The following AK9 variants were observed in gnomAD, a reference collection of about 807,000 sequenced individuals.
The protein encoded by AK9 is adenylate kinase domain containing 1.
Under a neutral mutation model 239.6 loss-of-function variants are expected in AK9, and 191 were observed. The ratio of observed to expected loss-of-function variants is 0.80; its 90% CI spans 0.71 to 0.90. AK9 has a LOEUF of 0.90. Among genes scored for constraint, AK9 ranks in the 40% least tolerant of loss-of-function variants. The pLI is 0.00. For missense variants in AK9, 1,995 were observed against 2,214.7 expected, an observed-to-expected ratio of 0.90 and a Z score of 1.99; for synonymous variants, 689 against 721.0, an observed-to-expected ratio of 0.96 and a Z score of 0.71.
At chr6:109,598,331 T>A (rs12208018) in intron 17 of AK9, among the ~76,000 whole-genome samples, 52,480 of 151,630 alleles carry the variant, frequency 0.35, 9,532 homozygotes, top group South Asian at 0.44. Flanking sequence ...GTGTTTGGTT[T>A]TTTGTCCTTG....
chr6:109,573,261 GCCTCTGCTTTCCTAC>G (rs11267598), intron 21 of AK9, among the ~76,000 whole-genome samples, 166 bp downstream of exon 21: 83,906 of 151,848 alleles, frequency 0.55, 24,737 homozygotes, highest in South Asian at 0.78. Context: ...GGGCAGAGCA[GCCTCTGCTTTCCTAC>G]CACACTTCAA....
chr6:109,635,929 T>G (rs935085507), intron 10 of AK9, among the ~76,000 whole-genome samples: 9 of 152,328 alleles, frequency 5.9e-5, no homozygotes, highest in African/African-American at 1.9e-4. Flanking sequence ...AGCTGTTAAA[T>G]TTTTAAAATA....
At chr6:109,568,722 G>C (rs147853437) in intron 21 of AK9, among the ~76,000 whole-genome samples, 2,226 of 152,178 alleles carry the variant, frequency 0.015, 58 homozygotes, top group African/African-American at 0.051. Context: ...CAACTTACAA[G>C]GGATGTGAAG....
At chr6:109,575,272 T>C (rs563384374) in intron 20 of AK9, among the ~76,000 whole-genome samples, 66 of 152,322 alleles carry the variant, frequency 4.3e-4, no homozygotes, top group Non-Finnish European at 9.0e-4. Flanking sequence ...TTCCATAGTG[T>C]TGTACTGGTT....
intron 17 of AK9, among the ~76,000 whole-genome samples, chr6:109,605,525 T>TTAGATG (rs1792730504): frequency 6.6e-6 from 1 of 152,108 alleles, no homozygotes; most frequent in Admixed American, 6.5e-5. Flanking sequence ...GCTGAATGCA[T>TTAGATG]TAGATGTCTT....
At chr6:109,559,768 C>T (rs879848845) in intron 24 of AK9, among the ~76,000 whole-genome samples, 1 of 152,126 alleles carries the variant, frequency 6.6e-6, no homozygotes, top group African/African-American at 2.4e-5. Context: ...TTTCATAATG[C>T]TGCTTAACAA....
rs768962161 is a variant in AK9, at chr6:109,674,219, A to G, written c.160T>C (p.Trp54Arg). ...TTLARYITQA[W>R]KCIRVEALPI... ...TTACCTTCAACACGAATACATTTCC[A>G]TGCCTGTGTTATGTAACGGGCTAAT... The change falls in exon 3 of 41, where the codon TGG becomes CGG. Residue 54 changes from tryptophan (W) to arginine (R), a missense_variant. Transcript: ENST00000424296. 4 of 1,586,616 alleles carry G rather than the reference A, an allele frequency of 2.5e-6. No individual in the cohort carries two copies. The highest frequency in any genetic ancestry group is 1.7e-6 in the Non-Finnish European group (2 of 1,169,454).
intron 8 of AK9, among the ~76,000 whole-genome samples, chr6:109,648,288 C>A (rs1311825989): frequency 1.3e-5 from 2 of 151,992 alleles, no homozygotes; most frequent in Non-Finnish European, 2.9e-5. Context: ...TTCAAAAAAT[C>A]AATGAATCCA....
chr6:109,616,376 C>T (rs1353510291), intron 13 of AK9, among the ~76,000 whole-genome samples: 1 of 151,876 alleles, frequency 6.6e-6, no homozygotes, highest in Non-Finnish European at 1.5e-5. Flanking sequence ...GCTGGCAATA[C>T]ATTTGATAAT....
chr6:109,617,372 A>G (rs1794299931), intron 13 of AK9, among the ~76,000 whole-genome samples: 1 of 152,140 alleles, frequency 6.6e-6, no homozygotes. Context: ...AACTTAAAAC[A>G]AAATGTTTTG....
At chr6:109,553,093 T>A (rs931401350) in intron 24 of AK9, among the ~76,000 whole-genome samples, 2 of 152,174 alleles carry the variant, frequency 1.3e-5, no homozygotes, top group Non-Finnish European at 2.9e-5. Context: ...TACCATGCTG[T>A]TTTGGTTACT....
At chr6:109,620,208 T>C (rs1002403037) in intron 12 of AK9, among the ~76,000 whole-genome samples, 1 of 152,134 alleles carries the variant, frequency 6.6e-6, no homozygotes, top group Non-Finnish European at 1.5e-5. Context: ...GGTAAGTGTG[T>C]AGATAACTTT....
intron 19 of AK9, among the ~76,000 whole-genome samples, chr6:109,584,512 T>G (rs1789244189): frequency 6.6e-6 from 1 of 152,112 alleles, no homozygotes; most frequent in African/African-American, 2.4e-5. Context: ...GCAAACTAAG[T>G]CATTGTTTCT....
chr6:109,555,207 T>C (rs1291770575), intron 24 of AK9, among the ~76,000 whole-genome samples: 2 of 152,194 alleles, frequency 1.3e-5, no homozygotes, highest in Non-Finnish European at 2.9e-5. Flanking sequence ...TTCTTGTACA[T>C]TGTCTCTTTG....
chr6:109,669,895 G>A (rs568825112), intron 5 of AK9, among the ~76,000 whole-genome samples: 3 of 152,166 alleles, frequency 2.0e-5, no homozygotes, highest in Non-Finnish European at 4.4e-5. Flanking sequence ...AAATGAGCTC[G>A]TTTGTGCATG....
At chr6:109,529,207 G>A (rs571201779) in intron 28 of AK9, 134 bp from the exon 29 acceptor site, 51 of 994,330 alleles carry the variant, frequency 5.1e-5, no homozygotes, top group Non-Finnish European at 6.6e-5. Context: ...GAAAGGATGT[G>A]ATGGCGGTAA....
At position 109,493,586 on chromosome 6, in the gene AK9, A is replaced by C. The variant is rs772767264; in HGVS notation, c.5534-15T>G. 6.2e-7 allele frequency: 1 copy of C among 1,601,812 alleles called. No individual in the cohort carries two copies. The highest frequency in any genetic ancestry group is 1.1e-5 in the South Asian group (1 of 90,126). ...GGGATTAAATGCTGTAGAAAATTTC[A>C]CAGAACTGTGAATAATTTCTGCTAG... is the stretch of plus-strand genomic sequence containing the variant. On this transcript the variant is annotated splice_polypyrimidine_tract_variant and intron_variant, in intron 40 of 40. Coordinates refer to ENST00000424296, the MANE Select transcript of AK9 (RefSeq NM_001145128.3).
chr6:109,617,845 G>C (rs1794358113), intron 13 of AK9, among the ~76,000 whole-genome samples: 2 of 136,002 alleles, frequency 1.5e-5, no homozygotes, highest in South Asian at 4.9e-4. Context: ...GTGCTCACTT[G>C]AGAGACACAG....
intron 35 of AK9, among the ~76,000 whole-genome samples, chr6:109,506,013 T>A (rs1400063011): frequency 6.6e-6 from 1 of 152,098 alleles, no homozygotes; most frequent in Non-Finnish European, 1.5e-5. Flanking sequence ...CTCAAGCCTC[T>A]TCTATAAGGG....
Sources: gnomAD v4.1 joint callset for allele counts (sites outside exome capture counted in the v4.1 genomes callset) on GRCh38, gnomAD v4.1.1 for gene constraint, MANE v1.5 for transcripts, NCBI Gene and HGNC (gene_info 2026-07-23, HGNC 2026-07-21) for gene names.